Variants in NUMB observed in about 807,000 individuals in gnomAD.
NUMB encodes the protein NUMB endocytic adaptor protein.
A neutral mutation model predicts 59.7 loss-of-function variants in NUMB; 29 were observed. The observed-to-expected ratio is 0.49, with a 90% CI of 0.36 to 0.66. The LOEUF (loss-of-function observed/expected upper bound fraction) is 0.66. Ranked by LOEUF, NUMB falls within the 30% of genes least tolerant of loss-of-function variation. NUMB has a pLI of 0.00. For synonymous variants in NUMB, 288 were observed against 288.2 expected (o/e 1.00, Z 0.01); for missense variants, 723 against 822.0 (o/e 0.88, Z 1.47).
At chr14:73,414,188 C>T (rs964839136) in intron 1 of NUMB, among the ~76,000 whole-genome samples, 6 of 152,092 alleles carry the variant, frequency 3.9e-5, no homozygotes, top group African/African-American at 1.4e-4. Flanking sequence ...AACTCCTGAC[C>T]TCAAGTGATT....
chr14:73,432,082 A>G (rs549624731), intron 1 of NUMB, among the ~76,000 whole-genome samples: 1 of 152,316 alleles, frequency 6.6e-6, no homozygotes, highest in East Asian at 1.9e-4. Flanking sequence ...CTTATAGAGT[A>G]TAACTTTTAA....
chr14:73,438,977 G>A (rs1882825569), intron 1 of NUMB, among the ~76,000 whole-genome samples: 1 of 152,096 alleles, frequency 6.6e-6, no homozygotes, highest in South Asian at 2.1e-4. Context: ...ATATGAATAC[G>A]CAACTTATCA....
chr14:73,331,752 C>G (rs1891992353), intron 4 of NUMB, among the ~76,000 whole-genome samples: 1 of 152,148 alleles, frequency 6.6e-6, no homozygotes, highest in Non-Finnish European at 1.5e-5. Context: ...TTATAAGCGT[C>G]TAGCATTTCC....
intron 2 of NUMB, among the ~76,000 whole-genome samples, chr14:73,387,083 C>T (rs561358701): frequency 6.6e-6 from 1 of 151,002 alleles, no homozygotes; most frequent in Non-Finnish European, 1.5e-5. Flanking sequence ...GGGGTTTCAC[C>T]GTTTTAGCCG....
intron 1 of NUMB, among the ~76,000 whole-genome samples, chr14:73,441,381 C>T (rs1883053087): frequency 6.6e-6 from 1 of 152,016 alleles, no homozygotes; most frequent in South Asian, 2.1e-4. Flanking sequence ...AACCCCGTCT[C>T]TACTAAAGAT....
chr14:73,355,347 A>G (rs1232134159), intron 4 of NUMB, among the ~76,000 whole-genome samples: 2 of 152,184 alleles, frequency 1.3e-5, no homozygotes, highest in Non-Finnish European at 2.9e-5. Flanking sequence ...GTCTTTAGGT[A>G]TTTCAGGATT....
chr14:73,329,556 C>A (rs11625626), intron 4 of NUMB, among the ~76,000 whole-genome samples: 37,516 of 151,846 alleles, frequency 0.25, 5,433 homozygotes, highest in East Asian at 0.68. Context: ...TCTATGGATG[C>A]GGAGGGCTGA....
chr14:73,414,624 C>T (rs779593752), intron 1 of NUMB, among the ~76,000 whole-genome samples: 9 of 152,038 alleles, frequency 5.9e-5, no homozygotes, highest in South Asian at 2.1e-4. Context: ...GAGCTCAAAG[C>T]GATCTGCCCT....
chr14:73,413,702 G>A (rs1469845888), intron 1 of NUMB, among the ~76,000 whole-genome samples: 2 of 151,986 alleles, frequency 1.3e-5, no homozygotes, highest in South Asian at 2.1e-4. Flanking sequence ...AGGTTGCAGT[G>A]AGCAGAGATT....
At chr14:73,369,330 C>T (rs1037915758) in intron 2 of NUMB, among the ~76,000 whole-genome samples, 12 of 152,078 alleles carry the variant, frequency 7.9e-5, no homozygotes, top group Non-Finnish European at 1.6e-4. Flanking sequence ...CGTGAGCCAC[C>T]GCGCCTGGCC....
intron 6 of NUMB, among the ~76,000 whole-genome samples, chr14:73,303,440 C>T (rs1035666116): frequency 2.0e-5 from 3 of 151,902 alleles, no homozygotes; most frequent in South Asian, 2.1e-4. Context: ...ATCAGCCGGG[C>T]GTGGTGACAT....
At chr14:73,405,803 T>G (rs1291154851) in intron 2 of NUMB, among the ~76,000 whole-genome samples, 1 of 152,088 alleles carries the variant, frequency 6.6e-6, no homozygotes, top group African/African-American at 2.4e-5. Context: ...TTTTCTTCTC[T>G]CTCTGTCCAT....
At chr14:73,307,891 C>T (rs1282173725) in intron 6 of NUMB, among the ~76,000 whole-genome samples, 1 of 152,032 alleles carries the variant, frequency 6.6e-6, no homozygotes, top group Non-Finnish European at 1.5e-5. Context: ...CGCCACCACG[C>T]CCGGCTAATT....
intron 6 of NUMB, among the ~76,000 whole-genome samples, chr14:73,308,257 G>T (rs948472434): frequency 2.6e-5 from 4 of 152,038 alleles, no homozygotes; most frequent in African/African-American, 4.8e-5. Context: ...GTGGATGTAG[G>T]GTATAAGAAA....
intron 2 of NUMB, among the ~76,000 whole-genome samples, chr14:73,389,278 A>C (rs1895711788): frequency 1.1e-5 from 1 of 89,204 alleles, no homozygotes; most frequent in Non-Finnish European, 1.9e-5. Context: ...CTCTCAAAAA[A>C]AAAAAAAAAA....
chr14:73,376,409 C>T (rs535698659), intron 2 of NUMB, among the ~76,000 whole-genome samples: 2 of 151,914 alleles, frequency 1.3e-5, no homozygotes, highest in African/African-American at 4.8e-5. Flanking sequence ...AATGGAGAGA[C>T]ATTCCATGTT....
At chr14:73,436,331 T>A (rs1898051280) in intron 1 of NUMB, among the ~76,000 whole-genome samples, 1 of 152,122 alleles carries the variant, frequency 6.6e-6, no homozygotes, top group Non-Finnish European at 1.5e-5. Flanking sequence ...TTGTTTTGTT[T>A]TTGTTGACGG....
At chr14:73,405,516 C>T (rs1409754586) in intron 2 of NUMB, among the ~76,000 whole-genome samples, 1 of 148,042 alleles carries the variant, frequency 6.8e-6, no homozygotes, top group African/African-American at 2.5e-5. Context: ...CAGCTCGCCA[C>T]AACCTCAAAC....
intron 6 of NUMB, among the ~76,000 whole-genome samples, chr14:73,315,666 G>GA (rs1274024291): frequency 6.6e-6 from 1 of 151,550 alleles, no homozygotes; most frequent in Admixed American, 6.6e-5. Context: ...ATTTAGATTG[G>GA]AAAAAAAATT....
Sources: allele counts gnomAD v4.1 joint callset (sites outside exome capture counted in the v4.1 genomes callset), GRCh38; gene constraint gnomAD v4.1.1; transcripts MANE v1.5; gene names NCBI Gene and HGNC (gene_info 2026-07-23, HGNC 2026-07-21).